PTPRT: variants seen among roughly 807,000 people sequenced by gnomAD.
PTPRT encodes the protein protein tyrosine phosphatase receptor type T, also known as receptor-type tyrosine-protein phosphatase T.
In PTPRT, 56 loss-of-function variants were observed where a neutral mutation model predicts 176.8. That is an observed-to-expected ratio of 0.32 (90% CI 0.26 to 0.40). The LOEUF (loss-of-function observed/expected upper bound fraction) is 0.40. Among genes scored for constraint, PTPRT ranks in the 10% least tolerant of loss-of-function variants. The pLI is 1.00. For missense variants in PTPRT, 1,540 were observed against 1,908.2 expected, an observed-to-expected ratio of 0.81 and a Z score of 3.60; for synonymous variants, 783 against 739.0, an observed-to-expected ratio of 1.06 and a Z score of -0.96.
chr20:42,916,094 T>C (rs1306336400), intron 1 of PTPRT, among the ~76,000 whole-genome samples: 2 of 151,808 alleles, frequency 1.3e-5, no homozygotes, highest in Non-Finnish European at 2.9e-5. Context: ...AGGTATATCT[T>C]TTAATGCTAT....
At chr20:43,054,355 A>AC (rs1477344778) in intron 1 of PTPRT, among the ~76,000 whole-genome samples, 1 of 152,086 alleles carries the variant, frequency 6.6e-6, no homozygotes, top group African/African-American at 2.4e-5. Context: ...GGAGTTCAAG[A>AC]CCAGCCTGGG....
chr20:42,680,896 C>A (rs986578510), intron 6 of PTPRT, among the ~76,000 whole-genome samples: 6 of 152,242 alleles, frequency 3.9e-5, no homozygotes, highest in Non-Finnish European at 8.8e-5. Flanking sequence ...CGACTTCACA[C>A]ATTTGTGTGC....
Position 42,093,979 on chromosome 20 carries a change from T to C in PTPRT, c.3846+4442A>G, listed in dbSNP as rs373068471. The stretch of plus-strand genomic sequence containing the variant: ...GCCAACCTCAGGGTACTTCTGAGCC[T>C]GATGTTTTTGCATTTAGAGAATCAG... On this transcript the variant is annotated intron_variant, in intron 27 of 30. Transcript: ENST00000373187. Among the ~76,000 whole-genome samples, 42 of 152,364 alleles carry C rather than the reference T, an allele frequency of 2.8e-4. No individual in the cohort carries two copies. In the South Asian group the frequency reaches 8.3e-3, roughly 30 times the overall value.
chr20:42,759,658 T>A (rs1346856780), intron 5 of PTPRT, among the ~76,000 whole-genome samples: 1 of 152,184 alleles, frequency 6.6e-6, no homozygotes, highest in African/African-American at 2.4e-5. Flanking sequence ...ATAAGGCCCT[T>A]ATCTACCACT....
Position 42,693,940 on chromosome 20 carries a change from T to C in PTPRT, c.860-15781A>G, listed in dbSNP as rs373426264. 1.6e-3 allele frequency among the ~76,000 whole-genome samples: 239 copies of C among 152,224 alleles called. 3 individuals carry two copies. Among genetic ancestry groups the C allele is most frequent in the Non-Finnish European group, 2.0e-3 (139 of 68,008 alleles). On this transcript the variant is annotated intron_variant, in intron 6 of 30. Transcript: ENST00000373187. ...CTGTTTTCTACTTCTAAAATTTTGT[T>C]ATTTCCAAAAAGACAATATATAATC...
intron 2 of PTPRT, among the ~76,000 whole-genome samples, chr20:42,849,692 C>T (rs1299585668): frequency 6.6e-6 from 1 of 152,166 alleles, no homozygotes; most frequent in African/African-American, 2.4e-5. Context: ...ACCTTGTTTT[C>T]CTCCTCTGAA....
At chr20:42,443,524 G>A (rs1473624200) in intron 9 of PTPRT, among the ~76,000 whole-genome samples, 1 of 152,212 alleles carries the variant, frequency 6.6e-6, no homozygotes, top group African/African-American at 2.4e-5. Context: ...CTGAGGCCAT[G>A]GTCTAATTCA....
At chr20:42,599,921 C>T (rs2073745645) in intron 7 of PTPRT, among the ~76,000 whole-genome samples, 1 of 152,030 alleles carries the variant, frequency 6.6e-6, no homozygotes, top group Admixed American at 6.6e-5. Context: ...CCCACTTATG[C>T]CCCAGGCCTC....
intron 7 of PTPRT, among the ~76,000 whole-genome samples, chr20:42,583,781 T>C (rs2073422082): frequency 6.6e-6 from 1 of 152,230 alleles, no homozygotes; most frequent in African/African-American, 2.4e-5. Context: ...ATTTAGCCAT[T>C]TTCTCAGTTG....
chr20:42,360,828 C>T (rs1461148861), intron 9 of PTPRT, among the ~76,000 whole-genome samples: 2 of 152,230 alleles, frequency 1.3e-5, no homozygotes, highest in Admixed American at 1.3e-4. Context: ...TTCTGGCAGA[C>T]ACCGCCTGGA....
At chr20:42,587,293 G>A (rs1407077833) in intron 7 of PTPRT, among the ~76,000 whole-genome samples, 1 of 152,258 alleles carries the variant, frequency 6.6e-6, no homozygotes, top group Non-Finnish European at 1.5e-5. Context: ...CAACAAGGCA[G>A]AGGAAGGACA....
At chr20:43,182,693 G>A (rs374797483) in intron 1 of PTPRT, among the ~76,000 whole-genome samples, 4 of 151,988 alleles carry the variant, frequency 2.6e-5, no homozygotes, top group East Asian at 3.9e-4. Flanking sequence ...TCGCCCGGCC[G>A]TGGTTTGCAA....
chr20:42,245,140 C>G (rs753545712), intron 14 of PTPRT, among the ~76,000 whole-genome samples: 13 of 152,032 alleles, frequency 8.6e-5, no homozygotes, highest in Non-Finnish European at 1.6e-4. Context: ...TAGATGTGAT[C>G]GACAGATCCA....
In PTPRT at chr20:42,616,209, G is replaced by T. The variant is rs1454852496; in HGVS notation, c.1153+61657C>A. 7.3e-5 allele frequency among the ~76,000 whole-genome samples: 9 copies of T among 123,978 alleles called. No individual in the cohort carries two copies. The East Asian group carries it at 1.6e-3, about 22-fold the overall frequency. 81.3% of individuals were successfully genotyped at this position (123,978 alleles called of 152,430 possible). ...TTAAATAGGGAATCCTTTCCCCATT[G>T]CTTGTTTTTCTCAGGTTTGTCAAAG... On this transcript the variant is annotated intron_variant, in intron 7 of 30. Transcript: ENST00000373187.
At position 42,270,424 on chromosome 20, in the gene PTPRT, C is replaced by A. The variant is rs1014252164; in HGVS notation, c.2176+12065G>T. On this transcript the variant is annotated intron_variant, in intron 13 of 30. Coordinates refer to ENST00000373187, the MANE Select transcript of PTPRT (RefSeq NM_007050.6). ...GTGGTGAGGAGGCAGAGTGGAGTCC[C>A]CGGGGTCACCTGGGCGCTGCCCATT... The A allele has an allele frequency of 5.2e-6, 8 of 1,550,968 alleles. No homozygotes were observed. The African/African-American group carries it at 1.1e-4, about 21-fold the overall frequency.
At chr20:43,102,738 G>A (rs527493890) in intron 1 of PTPRT, among the ~76,000 whole-genome samples, 138 of 152,292 alleles carry the variant, frequency 9.1e-4, no homozygotes, top group Middle Eastern at 3.4e-3. Context: ...AGGACTGCAC[G>A]CTGGTACCTA....
intron 7 of PTPRT, among the ~76,000 whole-genome samples, chr20:42,602,463 C>A (rs773692217): frequency 6.6e-6 from 1 of 152,128 alleles, no homozygotes; most frequent in East Asian, 1.9e-4. Context: ...CTGCCGGACA[C>A]TGGTCAAACG....
At chr20:42,487,487 A>G (rs993280084) in intron 7 of PTPRT, among the ~76,000 whole-genome samples, 2 of 152,204 alleles carry the variant, frequency 1.3e-5, no homozygotes, top group African/African-American at 4.8e-5. Context: ...TGGCAAAAAG[A>G]ACACTGTGAA....
chr20:42,551,800 A>G (rs1405284221), intron 7 of PTPRT, among the ~76,000 whole-genome samples: 4 of 152,136 alleles, frequency 2.6e-5, no homozygotes, highest in African/African-American at 7.2e-5. Flanking sequence ...AAACATTGGT[A>G]TGACTACTAT....
Sources: gnomAD v4.1 joint callset for allele counts (sites outside exome capture counted in the v4.1 genomes callset) on GRCh38, gnomAD v4.1.1 for gene constraint, MANE v1.5 for transcripts, NCBI Gene and HGNC (gene_info 2026-07-23, HGNC 2026-07-21) for gene names.